The following SLC39A10 variants were observed in gnomAD, a reference collection of about 807,000 sequenced individuals.
SLC39A10 encodes the protein solute carrier family 39 member 10.
Under a neutral mutation model 65.1 loss-of-function variants are expected in SLC39A10, and 13 were observed. The ratio of observed to expected loss-of-function variants is 0.20; its 90% CI spans 0.13 to 0.32. The LOEUF is 0.32. Ranked by LOEUF, SLC39A10 falls within the 10% of genes least tolerant of loss-of-function variation. SLC39A10 has a pLI of 1.00. For synonymous variants in SLC39A10, 321 were observed against 342.2 expected (o/e 0.94, Z 0.68); for missense variants, 831 against 1,018.4 (o/e 0.82, Z 2.50).
chr2:195,617,719 CTTTTCTTTTATTTTA>C (rs1305320494), intron 2 of SLC39A10, among the ~76,000 whole-genome samples: 1 of 147,534 alleles, frequency 6.8e-6, no homozygotes, highest in East Asian at 2.0e-4. Context: ...CTTTTCTTTT[CTTTTCTTTTATTTTA>C]TTTTATTTTA....
chr2:195,645,139 C>T (rs1328459846), intron 2 of SLC39A10, among the ~76,000 whole-genome samples: 1 of 151,846 alleles, frequency 6.6e-6, no homozygotes, highest in Non-Finnish European at 1.5e-5. Context: ...GAACTTCCGA[C>T]CTCAGGTGAT....
intron 1 of SLC39A10, among the ~76,000 whole-genome samples, chr2:195,664,126 A>T (rs1689537973): frequency 6.8e-6 from 1 of 147,066 alleles, no homozygotes; most frequent in South Asian, 2.2e-4. Flanking sequence ...TTAAGAAAAA[A>T]GTTCTTTAAA....
At chr2:195,616,698 G>T (rs1415952967) in intron 2 of SLC39A10, among the ~76,000 whole-genome samples, 1 of 151,380 alleles carries the variant, frequency 6.6e-6, no homozygotes, top group African/African-American at 2.4e-5. Flanking sequence ...CCGCCTCCCA[G>T]GTTCACGCCA....
chr2:195,683,618 T>C (rs1690415460), intron 2 of SLC39A10, 81 bp from the exon 3 acceptor site: 1 of 1,027,578 alleles, frequency 9.7e-7, no homozygotes, highest in Non-Finnish European at 1.5e-6. Context: ...ATTTAGAGTA[T>C]TTCTTAGGCA....
chr2:195,621,530 A>G (rs1472999743), intron 2 of SLC39A10, among the ~76,000 whole-genome samples: 1 of 152,242 alleles, frequency 6.6e-6, no homozygotes, highest in African/African-American at 2.4e-5. Context: ...ATGCTGACTT[A>G]GAAGCTACCT....
intron 3 of SLC39A10, among the ~76,000 whole-genome samples, chr2:195,699,708 T>G (rs1691103858): frequency 6.6e-6 from 1 of 152,132 alleles, no homozygotes; most frequent in African/African-American, 2.4e-5. Flanking sequence ...ACATGGTCTA[T>G]CCTGGAAAAT....
intron 3 of SLC39A10, among the ~76,000 whole-genome samples, chr2:195,685,724 G>C (rs1690499323): frequency 6.6e-6 from 1 of 152,172 alleles, no homozygotes; most frequent in Admixed American, 6.5e-5. Flanking sequence ...GACATCTCTA[G>C]ATGTCTCCCT....
intron 1 of SLC39A10, among the ~76,000 whole-genome samples, chr2:195,661,404 G>A (rs1202988552): frequency 6.6e-6 from 1 of 152,118 alleles, no homozygotes; most frequent in East Asian, 1.9e-4. Flanking sequence ...TTAAATAATA[G>A]TATGTATTTA....
intron 2 of SLC39A10, among the ~76,000 whole-genome samples, chr2:195,638,420 G>A (rs1297939808): frequency 1.3e-5 from 2 of 152,004 alleles, no homozygotes; most frequent in Non-Finnish European, 2.9e-5. Context: ...GCTCACTGCA[G>A]CCTCCACCTC....
chr2:195,613,530 CAACA>C (rs1377561370), intron 2 of SLC39A10, among the ~76,000 whole-genome samples: 1 of 152,242 alleles, frequency 6.6e-6, no homozygotes, highest in East Asian at 1.9e-4. Context: ...AAAAATCTGT[CAACA>C]AACTTCTTAC....
At chr2:195,616,029 C>G (rs6434789) in intron 2 of SLC39A10, among the ~76,000 whole-genome samples, 73,277 of 152,030 alleles carry the variant, frequency 0.48, 18,041 homozygotes, top group Non-Finnish European at 0.54. Flanking sequence ...AATCTTGGCT[C>G]ACTGCAAACT....
chr2:195,636,127 C>G (rs1427987572), intron 2 of SLC39A10, among the ~76,000 whole-genome samples: 1 of 152,154 alleles, frequency 6.6e-6, no homozygotes, highest in Non-Finnish European at 1.5e-5. Context: ...GAAGAATATT[C>G]AAACTTATCT....
intron 9 of SLC39A10, among the ~76,000 whole-genome samples, chr2:195,732,533 G>A (rs1224266711): frequency 6.6e-6 from 1 of 152,212 alleles, no homozygotes; most frequent in Non-Finnish European, 1.5e-5. Context: ...CAAAGCCATA[G>A]TTCCTATTCT....
intron 2 of SLC39A10, among the ~76,000 whole-genome samples, chr2:195,633,211 C>G (rs956306449): frequency 6.6e-6 from 1 of 152,240 alleles, no homozygotes. Context: ...AGTGTGGGCA[C>G]TAGAACTAGT....
At chr2:195,661,669 C>T (rs1689402545) in intron 1 of SLC39A10, among the ~76,000 whole-genome samples, 2 of 152,214 alleles carry the variant, frequency 1.3e-5, no homozygotes, top group African/African-American at 4.8e-5. Flanking sequence ...CCTATCAGAA[C>T]GTAAGGGTTT....
At chr2:195,678,703 A>G (rs1272617301) in intron 1 of SLC39A10, among the ~76,000 whole-genome samples, 6 of 151,970 alleles carry the variant, frequency 3.9e-5, no homozygotes, top group South Asian at 2.1e-4. Context: ...CCAGTACAGT[A>G]GCCAGTAGCC....
intron 9 of SLC39A10, among the ~76,000 whole-genome samples, chr2:195,729,846 C>G (rs527437350): frequency 1.3e-4 from 19 of 151,836 alleles, no homozygotes; most frequent in African/African-American, 4.1e-4. Flanking sequence ...TTACCCAGGC[C>G]GGAATGCAAT....
At position 195,680,347 on chromosome 2, in the gene SLC39A10, A is replaced by C; in HGVS notation, c.305A>C (p.Glu102Ala). The change falls in exon 2 of 10, where the codon GAG becomes GCG. Residue 102 changes from glutamate to alanine, a missense_variant. This residue lies in a region of SLC39A10 where 446 missense variants were observed against 499.2 expected (regional missense o/e 0.89). Coordinates refer to ENST00000359634, the MANE Select transcript of SLC39A10 (RefSeq NM_020342.3). ...GERKVVEINHEDLGHDHVSHL... is the reference protein window; with the variant it reads ...GERKVVEINHADLGHDHVSHL... Reference sequence around the variant, plus strand: ...AGAAAAGTAGTTGAGATTAATCATGAGGATCTTGGCCACGATCATGTTTCT... The same window carrying C: ...AGAAAAGTAGTTGAGATTAATCATGCGGATCTTGGCCACGATCATGTTTCT... The C allele has an allele frequency of 6.2e-7, 1 of 1,614,190 alleles. No individual in the cohort carries two copies. Among genetic ancestry groups the C allele is most frequent in the Non-Finnish European group, 8.5e-7 (1 of 1,180,038 alleles).
In SLC39A10 at chr2:195,666,242, TG is replaced by T. The variant is rs1276049430; in HGVS notation, c.-12+8962del. 3.9e-5 allele frequency among the ~76,000 whole-genome samples: 6 copies of T among 152,322 alleles called. No individual in the cohort carries two copies. In the East Asian group the frequency reaches 1.2e-3, roughly 29 times the overall value. The stretch of plus-strand genomic sequence containing the variant: ...TTGTCTGAAACATAAAAAAAGTCAA[TG>T]TTATACAAAGATTGACTTGGAGATT... On this transcript the variant is annotated intron_variant, in intron 1 of 9. Transcript: ENST00000359634.
Sources: gnomAD v4.1 joint callset for allele counts (sites outside exome capture counted in the v4.1 genomes callset) on GRCh38, gnomAD v4.1.1 for gene constraint, gnomAD v4.1.1 regional missense constraint, MANE v1.5 for transcripts, NCBI Gene and HGNC (gene_info 2026-07-23, HGNC 2026-07-21) for gene names.